The following UBE2E2 variants were observed in gnomAD, a reference collection of about 807,000 sequenced individuals.
The protein encoded by UBE2E2 is ubiquitin conjugating enzyme E2 E2.
Under a neutral mutation model 24.7 loss-of-function variants are expected in UBE2E2, and 6 were observed. That is an observed-to-expected ratio of 0.24 (90% CI 0.13 to 0.48). The LOEUF (loss-of-function observed/expected upper bound fraction) is 0.48, where lower values mean the gene tolerates loss of function less well. Among genes scored for constraint, UBE2E2 ranks in the 20% least tolerant of loss-of-function variants. UBE2E2 has a pLI of 0.99. For missense variants in UBE2E2, 169 were observed against 245.0 expected, an observed-to-expected ratio of 0.69 and a Z score of 2.07; for synonymous variants, 104 against 83.6, an observed-to-expected ratio of 1.24 and a Z score of -1.33.
chr3:23,359,156 C>T (rs1473199297), intron 3 of UBE2E2, among the ~76,000 whole-genome samples: 1 of 152,092 alleles, frequency 6.6e-6, no homozygotes, highest in Admixed American at 6.6e-5. Flanking sequence ...GGACTCTGGA[C>T]AAATGACTAG....
intron 5 of UBE2E2, among the ~76,000 whole-genome samples, chr3:23,540,925 G>A (rs1250408669): frequency 6.6e-6 from 1 of 152,152 alleles, no homozygotes; most frequent in African/African-American, 2.4e-5. Flanking sequence ...CTTTTTAAAT[G>A]TGAAATTTTT....
At chr3:23,322,135 T>A (rs1475644940) in intron 3 of UBE2E2, among the ~76,000 whole-genome samples, 2 of 152,242 alleles carry the variant, frequency 1.3e-5, no homozygotes, top group Non-Finnish European at 2.9e-5. Context: ...AGTGAAATTA[T>A]TCTTGAAATA....
At chr3:23,263,141 A>G (rs1697948339) in intron 3 of UBE2E2, among the ~76,000 whole-genome samples, 1 of 152,198 alleles carries the variant, frequency 6.6e-6, no homozygotes, top group Non-Finnish European at 1.5e-5. Flanking sequence ...ACAGCAATAC[A>G]TATTAACTCT....
chr3:23,375,250 T>C (rs1208070240), intron 3 of UBE2E2, among the ~76,000 whole-genome samples: 1 of 152,198 alleles, frequency 6.6e-6, no homozygotes, highest in Non-Finnish European at 1.5e-5. Flanking sequence ...AATTTTATAA[T>C]TGACCCATGG....
chr3:23,520,755 A>C (rs1330253714), intron 4 of UBE2E2, among the ~76,000 whole-genome samples: 1 of 152,038 alleles, frequency 6.6e-6, no homozygotes, highest in East Asian at 1.9e-4. Flanking sequence ...CTGCCCTCCT[A>C]CCTCAGCCTC....
intron 5 of UBE2E2, among the ~76,000 whole-genome samples, chr3:23,573,629 A>G (rs1423494473): frequency 6.6e-6 from 1 of 152,180 alleles, no homozygotes; most frequent in Non-Finnish European, 1.5e-5. Flanking sequence ...CAAGAACTTA[A>G]TGTTACAGTT....
At chr3:23,549,490 G>T (rs1695594828) in intron 5 of UBE2E2, among the ~76,000 whole-genome samples, 1 of 152,176 alleles carries the variant, frequency 6.6e-6, no homozygotes, top group Non-Finnish European at 1.5e-5. Flanking sequence ...AAGCTGTCAA[G>T]AAAGCCAGAG....
chr3:23,383,382 A>G (rs941471417), intron 3 of UBE2E2, among the ~76,000 whole-genome samples: 4 of 152,202 alleles, frequency 2.6e-5, no homozygotes, highest in Non-Finnish European at 5.9e-5. Flanking sequence ...CTAGCAAATG[A>G]TGATTAAATT....
Position 23,589,692 on chromosome 3 carries a change from A to G in UBE2E2, c.509-42A>G, listed in dbSNP as rs904478865. 6.2e-7 allele frequency: 1 copy of G among 1,601,132 alleles called. No individual in the cohort carries two copies. Among genetic ancestry groups the G allele is most frequent in the African/African-American group, 1.3e-5 (1 of 74,790 alleles). On this transcript the variant is annotated intron_variant, in intron 5 of 5. Transcript: ENST00000396703. This position sits in a 1 kb window ranked among gnomAD's most constrained non-coding sequence, Gnocchi z 4.1. The stretch of plus-strand genomic sequence containing the variant: ...GCTTTCTGAACACTTCTTCCCCCAC[A>G]GTGCTGGTATTTACTGACTCCCAAC...
chr3:23,410,153 T>C lies in UBE2E2; in HGVS notation c.228-89455T>C, dbSNP rs1697464451. Among the ~76,000 whole-genome samples, 3 of 152,018 alleles carry C rather than the reference T, an allele frequency of 2.0e-5. No homozygotes were observed. In the South Asian group the frequency reaches 6.2e-4, roughly 32 times the overall value. On this transcript the variant is annotated intron_variant, in intron 3 of 5. Coordinates refer to ENST00000396703, the MANE Select transcript of UBE2E2 (RefSeq NM_152653.4). Reference sequence around the variant, plus strand: ...AGTTTTCAGTGTAGATTTGGAGTTATGGTTTTGGTATAATACTATTAACCT... The same window carrying C: ...AGTTTTCAGTGTAGATTTGGAGTTACGGTTTTGGTATAATACTATTAACCT...
intron 3 of UBE2E2, among the ~76,000 whole-genome samples, chr3:23,481,741 C>T (rs1699264924): frequency 6.6e-6 from 1 of 152,182 alleles, no homozygotes; most frequent in South Asian, 2.1e-4. Context: ...TGGGGATGGG[C>T]AGTGTAAGTT....
chr3:23,570,995 A>G (rs1224259081), intron 5 of UBE2E2, among the ~76,000 whole-genome samples: 3 of 152,166 alleles, frequency 2.0e-5, no homozygotes, highest in Admixed American at 1.3e-4. Flanking sequence ...CAAGTTGCCA[A>G]CATAACTCTT....
intron 3 of UBE2E2, among the ~76,000 whole-genome samples, chr3:23,456,705 A>T (rs892728952): frequency 3.9e-5 from 6 of 152,228 alleles, no homozygotes; most frequent in African/African-American, 1.4e-4. Flanking sequence ...GTGTGCTGTC[A>T]TCGCAGCTTT....
At chr3:23,357,160 G>T (rs985698956) in intron 3 of UBE2E2, among the ~76,000 whole-genome samples, 1 of 152,190 alleles carries the variant, frequency 6.6e-6, no homozygotes, top group South Asian at 2.1e-4. Flanking sequence ...TACAACCCTT[G>T]CATGGGCCGG....
chr3:23,500,662 G>T (rs1402271287), intron 4 of UBE2E2, among the ~76,000 whole-genome samples: 1 of 152,190 alleles, frequency 6.6e-6, no homozygotes, highest in East Asian at 1.9e-4. Flanking sequence ...ACAAGAATAA[G>T]ACTAGACGTT....
At chr3:23,226,860 T>C (rs1696840216) in intron 3 of UBE2E2, among the ~76,000 whole-genome samples, 1 of 151,934 alleles carries the variant, frequency 6.6e-6, no homozygotes, top group Non-Finnish European at 1.5e-5. Context: ...AGAAATTAAT[T>C]TGTAATATGG....
chr3:23,561,893 G>T (rs1051996703), intron 5 of UBE2E2, among the ~76,000 whole-genome samples: 3 of 152,134 alleles, frequency 2.0e-5, no homozygotes, highest in African/African-American at 7.2e-5. Context: ...GTATAAGAAT[G>T]CTTGTGATTT....
intron 3 of UBE2E2, among the ~76,000 whole-genome samples, chr3:23,237,982 T>C (rs1697160943): frequency 6.6e-6 from 1 of 152,166 alleles, no homozygotes; most frequent in Non-Finnish European, 1.5e-5. Flanking sequence ...TTTTTGATGA[T>C]GCAGCTCAAC....
intron 3 of UBE2E2, among the ~76,000 whole-genome samples, chr3:23,265,123 T>C (rs1007986651): frequency 2.0e-5 from 3 of 152,172 alleles, no homozygotes; most frequent in Admixed American, 6.5e-5. Flanking sequence ...GGGAGGAGGA[T>C]TTTTGTTTAA....
Sources: allele counts gnomAD v4.1 joint callset (sites outside exome capture counted in the v4.1 genomes callset), GRCh38; gene constraint gnomAD v4.1.1; non-coding constraint Gnocchi (gnomAD v3.1); transcripts MANE v1.5; gene names NCBI Gene and HGNC (gene_info 2026-07-23, HGNC 2026-07-21).